Variants in HAUS3 observed in about 807,000 individuals in gnomAD.
HAUS3 encodes the protein HAUS augmin like complex subunit 3.
A neutral mutation model predicts 55.2 loss-of-function variants in HAUS3; 36 were observed. The ratio of observed to expected loss-of-function variants is 0.65; its 90% CI spans 0.50 to 0.86. HAUS3 has a LOEUF of 0.86. Ranked by LOEUF, HAUS3 falls within the 40% of genes least tolerant of loss-of-function variation. HAUS3 has a pLI of 0.00. For missense variants in HAUS3, 752 were observed against 671.5 expected (o/e 1.12, Z -1.33); for synonymous variants, 234 against 238.6 (o/e 0.98, Z 0.18).
Position 2,241,042 on chromosome 4 carries a change from C to A in HAUS3, c.-96G>T. 2.3e-6 allele frequency: 2 copies of A among 875,300 alleles called. No homozygotes were observed. The highest frequency in any genetic ancestry group is 3.1e-5 in the South Asian group (2 of 63,938). The allele number at this position is 875,300 out of a possible 1,614,324, so 54.2% of individuals were successfully genotyped here. A position where few individuals can be genotyped will look rare whatever the true frequency, so the allele number is the denominator to read the frequency against. ...AGCAGAAAAAAAGCTACGTTTTATA[C>A]CAAGTCCACAGAGAAGGGAAAATAT... On this transcript the variant is annotated 5_prime_UTR_variant, in exon 3 of 6. Transcript: ENST00000443786.
In HAUS3 at chr4:2,236,657, G is replaced by A. The variant is rs563008632; in HGVS notation, c.1350-201C>T. ...GCAGATTGCCTGAGCTCAGGAGTTC[G>A]AGACCAGCCTGGGCAACATGGTGAA... On this transcript the variant is annotated intron_variant, in intron 4 of 5. Transcript: ENST00000443786. Among the ~76,000 whole-genome samples the A allele has an allele frequency of 1.1e-4, 17 of 151,842 alleles. No homozygotes were observed. In the East Asian group the frequency reaches 2.9e-3, roughly 26 times the overall value.
intron 1 of HAUS3, 74 bp downstream of exon 1, chr4:2,241,977 G>C (rs1387772839): frequency 1.0e-6 from 1 of 985,420 alleles, no homozygotes; most frequent in Non-Finnish European, 1.2e-6. Flanking sequence ...GAGGCACCTG[G>C]GTGCAGACGG....
rs1734538599 is a variant in HAUS3, at chr4:2,230,406, T to C, written c.*1521A>G. Reference sequence around the variant, plus strand: ...AACCAGGTGACATATTTTCCACATTTTTGGAGAAAATAAAAATTTTAAGTA... The same window carrying C: ...AACCAGGTGACATATTTTCCACATTCTTGGAGAAAATAAAAATTTTAAGTA... On this transcript the variant is annotated 3_prime_UTR_variant, in exon 6 of 6. Transcript: ENST00000443786. 3 of 152,056 alleles carry C rather than the reference T, an allele frequency of 2.0e-5. No homozygotes were observed. The highest frequency in any genetic ancestry group is 6.6e-5 in the Admixed American group (1 of 15,252). 9.4% of individuals were successfully genotyped at this position (152,056 alleles called of 1,614,324 possible).
In HAUS3 at chr4:2,239,058, G is replaced by A. The variant is rs749313514; in HGVS notation, c.910-15C>T. On this transcript the variant is annotated splice_polypyrimidine_tract_variant and intron_variant, in intron 3 of 5. Transcript: ENST00000443786. The stretch of plus-strand genomic sequence containing the variant: ...TTGTCCACAGCCTATACAAAGAAAA[G>A]CAATTACATTTCAAACTGTATGCCT... The A allele has an allele frequency of 5.0e-6, 7 of 1,395,028 alleles. No homozygotes were observed. The highest frequency in any genetic ancestry group is 1.7e-5 in the South Asian group (1 of 60,116). 86.4% of individuals were successfully genotyped at this position (1,395,028 alleles called of 1,614,324 possible). A position where few individuals can be genotyped will look rare whatever the true frequency, so the allele number is the denominator to read the frequency against.
At chr4:2,232,237 A>G in intron 5 of HAUS3, 77 bp from the exon 6 acceptor site, 1 of 692,678 alleles carries the variant, frequency 1.4e-6, no homozygotes, top group Non-Finnish European at 2.3e-6. Flanking sequence ...TATAATTTAC[A>G]TGGAAAGACT....
intron 5 of HAUS3, among the ~76,000 whole-genome samples, chr4:2,233,131 A>G (rs541685923): frequency 4.4e-4 from 67 of 152,330 alleles, no homozygotes; most frequent in Middle Eastern, 3.4e-3. Context: ...CTTAAAATAC[A>G]TACTTTTGAA....
At chr4:2,241,487 G>A (rs1734986152) in intron 2 of HAUS3, 33 bp downstream of exon 2, 3 of 985,076 alleles carry the variant, frequency 3.0e-6, no homozygotes, top group South Asian at 9.4e-5. Flanking sequence ...AAATAAGCAT[G>A]GCACATCTTC....
rs576608318 is a variant in HAUS3 at position 2,228,395 on chromosome 4, C to T, written c.*3532G>A. The T allele has an allele frequency of 1.7e-4, 45 of 263,430 alleles. 1 individual carries two copies. The highest frequency in any genetic ancestry group is 1.0e-3 in the South Asian group (32 of 31,940). 16.3% of individuals were successfully genotyped at this position (263,430 alleles called of 1,614,324 possible). A position where few individuals can be genotyped will look rare whatever the true frequency, so the allele number is the denominator to read the frequency against. On this transcript the variant is annotated 3_prime_UTR_variant, in exon 6 of 6. Transcript: ENST00000443786. ...AGATAGAGTCTCACTCTGTCGCCCA[C>T]GCTGGAGACCTCAGCTCACTGCAAG...
intron 5 of HAUS3, among the ~76,000 whole-genome samples, chr4:2,233,425 A>G (rs59900510): frequency 0.022 from 3,154 of 146,048 alleles, 106 homozygotes; most frequent in African/African-American, 0.08. Context: ...TATTTTAGTG[A>G]TTCTTGGATG....
chr4:2,231,895 A>G lies in HAUS3; in HGVS notation c.*32T>C, dbSNP rs1176503448. 1 of 903,174 alleles carries G rather than the reference A, an allele frequency of 1.1e-6. No individual in the cohort carries two copies. Among genetic ancestry groups the G allele is most frequent in the African/African-American group, 1.7e-5 (1 of 58,544 alleles). 55.9% of individuals were successfully genotyped at this position (903,174 alleles called of 1,614,324 possible). Reference sequence around the variant, plus strand: ...ACAGTCTTCTAATAAATAAAAGAGGACACGTAATAAAGATTCAGTTTTCAG... The same window carrying G: ...ACAGTCTTCTAATAAATAAAAGAGGGCACGTAATAAAGATTCAGTTTTCAG... On this transcript the variant is annotated 3_prime_UTR_variant, in exon 6 of 6. Coordinates refer to ENST00000443786, the MANE Select transcript of HAUS3 (RefSeq NM_001303143.2).
At chr4:2,242,001 T>A in intron 1 of HAUS3, 50 bp downstream of exon 1, 1 of 985,432 alleles carries the variant, frequency 1.0e-6, no homozygotes, top group South Asian at 4.7e-5. Context: ...TCGCGGCCAC[T>A]CCTCCAGCCC....
chr4:2,236,889 TATA>T (rs919205825), intron 4 of HAUS3, among the ~76,000 whole-genome samples: 44 of 149,028 alleles, frequency 3.0e-4, no homozygotes, highest in African/African-American at 9.1e-4. Context: ...TAATTATAAT[TATA>T]ATAATAATAT....
At chr4:2,233,929 G>A (rs896141493) in intron 5 of HAUS3, among the ~76,000 whole-genome samples, 2 of 151,994 alleles carry the variant, frequency 1.3e-5, no homozygotes, top group African/African-American at 4.8e-5. Flanking sequence ...AAAAAAAAGT[G>A]TATATACCAC....
At chr4:2,240,008 T>C (rs1230933715) in intron 3 of HAUS3, 30 bp downstream of exon 3, 1 of 1,549,190 alleles carries the variant, frequency 6.5e-7, no homozygotes, top group Non-Finnish European at 8.9e-7. Flanking sequence ...ATAATTACAA[T>C]GTGAATCCAA....
rs189652577 is a variant in HAUS3 at position 2,238,825 on chromosome 4, T to C, written c.1128A>G (p.Gln376=). 1.1e-5 allele frequency: 17 copies of C among 1,613,046 alleles called. No homozygotes were observed. The highest frequency in any genetic ancestry group is 2.2e-5 in the East Asian group (1 of 44,788). Reference sequence around the variant, plus strand: ...CAAATGATGCCTTTTGTTTTATTAATTGATTTAAAACTAACTCTTGTCTTG... The same window carrying C: ...CAAATGATGCCTTTTGTTTTATTAACTGATTTAAAACTAACTCTTGTCTTG... ...YTARQELVLN[Q]LIKQKASFEL... The change falls in exon 4 of 6, where the codon CAA becomes CAG. Residue 376 remains glutamine (Q), a synonymous_variant. Coordinates refer to ENST00000443786, the MANE Select transcript of HAUS3 (RefSeq NM_001303143.2).
intron 4 of HAUS3, among the ~76,000 whole-genome samples, chr4:2,237,180 A>G (rs1175394154): frequency 1.3e-5 from 2 of 152,094 alleles, no homozygotes; most frequent in African/African-American, 2.4e-5. Context: ...GCTATGGCTC[A>G]TGCCTGTAAT....
rs773533298 is a variant in HAUS3 at position 2,240,933 on chromosome 4, T to A, written c.14A>T (p.Asn5Ile). 1.6e-5 allele frequency: 26 copies of A among 1,596,082 alleles called. No homozygotes were observed. The African/African-American group carries it at 2.7e-4, about 17-fold the overall frequency. ...TTTTTTTAATGTTTCCACAAACTCA[T>A]TTCCACAACTCATGGTTTTAACTAC... MSCG[N>I]EFVETLKKIG... Residue 5 changes from asparagine to isoleucine, a missense_variant, in exon 3 of 6, where the codon AAT (asparagine) becomes ATT (isoleucine). Asn to Ile is a moderately radical substitution (Grantham distance 149). Transcript: ENST00000443786.
intron 5 of HAUS3, among the ~76,000 whole-genome samples, chr4:2,234,724 A>C (rs1180871364): frequency 6.6e-6 from 1 of 152,220 alleles, no homozygotes; most frequent in Non-Finnish European, 1.5e-5. Flanking sequence ...ATATCAAGAG[A>C]AAAAGCATCA....
chr4:2,236,613 C>G (rs1315999537), intron 4 of HAUS3, among the ~76,000 whole-genome samples, 157 bp from the exon 5 acceptor site: 1 of 152,032 alleles, frequency 6.6e-6, no homozygotes, highest in Non-Finnish European at 1.5e-5. Context: ...AATCCTAGCA[C>G]TTTGGGAGGC....
Sources: gnomAD v4.1 joint callset for allele counts (sites outside exome capture counted in the v4.1 genomes callset) on GRCh38, gnomAD v4.1.1 for gene constraint, MANE v1.5 for transcripts, NCBI Gene and HGNC (gene_info 2026-07-23, HGNC 2026-07-21) for gene names.